The following SH3PXD2B variants were observed in gnomAD, a reference collection of about 807,000 sequenced individuals.
SH3PXD2B encodes SH3 and PX domain-containing protein 2B.
SH3PXD2B carries 37 observed loss-of-function variants against 73.1 expected under a neutral mutation model. The observed-to-expected ratio is 0.51, with a 90% CI of 0.39 to 0.67. SH3PXD2B has a LOEUF of 0.67. Ranked by LOEUF, SH3PXD2B falls within the 30% of genes least tolerant of loss-of-function variation. SH3PXD2B has a pLI of 0.00. For missense variants in SH3PXD2B, 1,053 were observed against 1,197.8 expected (o/e 0.88, Z 1.78); for synonymous variants, 457 against 480.5 (o/e 0.95, Z 0.64).
intron 10 of SH3PXD2B, among the ~76,000 whole-genome samples, chr5:172,348,883 A>T (rs560854253): frequency 3.4e-4 from 52 of 151,074 alleles, no homozygotes; most frequent in South Asian, 1.3e-3. Flanking sequence ...ATTAAAAAAA[A>T]TTTTTTTTTG....
intron 3 of SH3PXD2B, among the ~76,000 whole-genome samples, chr5:172,397,114 G>C (rs1384912870): frequency 6.6e-6 from 1 of 152,172 alleles, no homozygotes; most frequent in African/African-American, 2.4e-5. Flanking sequence ...GAACAGCCCT[G>C]AGAAAGAGAA....
intron 2 of SH3PXD2B, among the ~76,000 whole-genome samples, chr5:172,412,756 A>G (rs1758730162): frequency 6.6e-6 from 1 of 152,220 alleles, no homozygotes; most frequent in Admixed American, 6.5e-5. Context: ...GAGCAGAGGC[A>G]TGCTCCTCAA....
chr5:172,362,827 T>C lies in SH3PXD2B; in HGVS notation c.470A>G (p.Tyr157Cys), dbSNP rs1236189655. 4 of 1,614,000 alleles carry C rather than the reference T, an allele frequency of 2.5e-6. No homozygotes were observed. The Admixed American group carries it at 5.0e-5, about 20-fold the overall frequency. ...TSVDPMVLEQ[Y>C]VVVANYQKQE... ...CTTCTGGTAGTTGGCTACCACCACA[T>C]ACTGCTCCAGGACCATGGGGTCCAC... The change falls in exon 7 of 13, where the codon TAT (tyrosine) becomes TGT (cysteine). Residue 157 changes from tyrosine (Y) to cysteine (C), a missense_variant. This residue lies in a region of SH3PXD2B where 466 missense variants were observed against 607.1 expected (regional missense o/e 0.77). Transcript: ENST00000311601.
chr5:172,357,362 C>T (rs1012926852), intron 8 of SH3PXD2B, among the ~76,000 whole-genome samples: 9 of 149,572 alleles, frequency 6.0e-5, no homozygotes, highest in Non-Finnish European at 1.2e-4. Flanking sequence ...AGGCGGAGGT[C>T]GCAGTGAGCC....
intron 10 of SH3PXD2B, among the ~76,000 whole-genome samples, chr5:172,347,747 G>A (rs1757028009): frequency 6.6e-6 from 1 of 152,176 alleles, no homozygotes; most frequent in Non-Finnish European, 1.5e-5. Flanking sequence ...CATAATGTGT[G>A]TCACCCAGGG....
rs111572530 is a variant in SH3PXD2B, at chr5:172,347,268, C to T, written c.1062+15G>A. ...CAAGTCAGTGGCCACTCCCCAGTAG[C>T]GAGGATCCACTTACAATGGTCATGT... is the stretch of plus-strand genomic sequence containing the variant. On this transcript the variant is annotated intron_variant, in intron 11 of 12. Coordinates refer to ENST00000311601, the MANE Select transcript of SH3PXD2B (RefSeq NM_001017995.3). 6,805 of 1,613,954 alleles carry T rather than the reference C, an allele frequency of 4.2e-3. 100 individuals are homozygous for T. The African/African-American group carries it at 0.047, about 11-fold the overall frequency.
At chr5:172,352,745 T>A (rs773549873) in intron 9 of SH3PXD2B, among the ~76,000 whole-genome samples, 1 of 152,222 alleles carries the variant, frequency 6.6e-6, no homozygotes, top group Non-Finnish European at 1.5e-5. Flanking sequence ...TCATTTTCTC[T>A]TGCCGATGCT....
Position 172,368,625 on chromosome 5 carries a change from T to TA in SH3PXD2B, c.427+5164dup, listed in dbSNP as rs1173933061. ...ATATATAATATATATGTTATATATA[T>TA]ATATAATATATATGTTATATATATA... is the stretch of plus-strand genomic sequence containing the variant. On this transcript the variant is annotated intron_variant, in intron 6 of 12. Transcript: ENST00000311601. Among the ~76,000 whole-genome samples the TA allele has an allele frequency of 5.1e-4, 13 of 25,348 alleles. 2 individuals carry two copies. The highest frequency in any genetic ancestry group is 2.0e-3 in the South Asian group (1 of 492). 16.6% of individuals were successfully genotyped at this position (25,348 alleles called of 152,430 possible).
At chr5:172,439,244 A>G (rs1181646318) in intron 1 of SH3PXD2B, among the ~76,000 whole-genome samples, 3 of 94,276 alleles carry the variant, frequency 3.2e-5, no homozygotes, top group East Asian at 2.1e-4. Flanking sequence ...AACAGAAAAA[A>G]AAAAAAGAAA....
intron 4 of SH3PXD2B, among the ~76,000 whole-genome samples, chr5:172,389,825 C>T (rs945206706): frequency 6.6e-6 from 1 of 152,152 alleles, no homozygotes; most frequent in African/African-American, 2.4e-5. Flanking sequence ...GTTTTCTGAC[C>T]TTCTTTGATA....
rs1020595056 is a variant in SH3PXD2B, at chr5:172,334,877, G to A, written c.*3492C>T. The A allele has an allele frequency of 7.1e-6, 7 of 985,258 alleles. No individual in the cohort carries two copies. The highest frequency in any genetic ancestry group is 5.2e-5 in the African/African-American group (3 of 57,200). The allele number at this position is 985,258 out of a possible 1,614,324, so 61.0% of individuals were successfully genotyped here. On this transcript the variant is annotated 3_prime_UTR_variant, in exon 13 of 13. Coordinates refer to ENST00000311601, the MANE Select transcript of SH3PXD2B (RefSeq NM_001017995.3). ...CCTGGTAATGAAATCCTCAGTGGGC[G>A]CAAACATTTTAGGGCCAAGAACATT... is the stretch of plus-strand genomic sequence containing the variant.
intron 12 of SH3PXD2B, among the ~76,000 whole-genome samples, chr5:172,325,691 G>C (rs116061977): frequency 6.6e-6 from 1 of 152,176 alleles, no homozygotes; most frequent in East Asian, 1.9e-4. Context: ...GCCCCTTTAC[G>C]AGGGCAACTA....
chr5:172,330,384 A>G (rs1340146682), downstream of SH3PXD2B, among the ~76,000 whole-genome samples: 1 of 152,210 alleles, frequency 6.6e-6, no homozygotes, highest in Non-Finnish European at 1.5e-5. Flanking sequence ...TGGTTCAGGT[A>G]GAATGCAAGG....
chr5:172,449,588 A>G (rs529311122), intron 1 of SH3PXD2B, among the ~76,000 whole-genome samples: 1 of 152,318 alleles, frequency 6.6e-6, no homozygotes, highest in South Asian at 2.1e-4. Context: ...AAGGACAAAA[A>G]CTGGTAATTC....
intron 1 of SH3PXD2B, among the ~76,000 whole-genome samples, chr5:172,425,092 G>A (rs1266693273): frequency 1.3e-5 from 2 of 152,120 alleles, no homozygotes; most frequent in African/African-American, 4.8e-5. Flanking sequence ...ACTTTGTGAT[G>A]TGAAAAAACG....
intron 5 of SH3PXD2B, among the ~76,000 whole-genome samples, chr5:172,380,962 T>C (rs1218336572): frequency 6.6e-6 from 1 of 152,194 alleles, no homozygotes; most frequent in Non-Finnish European, 1.5e-5. Context: ...ATTTTGGAGG[T>C]CGCTGTGTGT....
At chr5:172,357,389 A>T (rs1288282293) in intron 8 of SH3PXD2B, among the ~76,000 whole-genome samples, 1 of 151,296 alleles carries the variant, frequency 6.6e-6, no homozygotes, top group African/African-American at 2.4e-5. Flanking sequence ...ATGCCACTGT[A>T]CTCCAGCCTG....
downstream of SH3PXD2B, among the ~76,000 whole-genome samples, chr5:172,329,275 G>C (rs1756509028): frequency 6.7e-6 from 1 of 149,428 alleles, no homozygotes; most frequent in Admixed American, 6.7e-5. Flanking sequence ...GTAGAGATGA[G>C]GTTTCACCAT....
chr5:172,383,708 G>A (rs1560683), intron 4 of SH3PXD2B, among the ~76,000 whole-genome samples: 32,597 of 152,076 alleles, frequency 0.21, 3,704 homozygotes, highest in Middle Eastern at 0.38. Flanking sequence ...CAAGCAGTGC[G>A]TGCTCTGCAT....
Sources: gnomAD v4.1 joint callset for allele counts (sites outside exome capture counted in the v4.1 genomes callset) on GRCh38, gnomAD v4.1.1 for gene constraint, gnomAD v4.1.1 regional missense constraint, MANE v1.5 for transcripts, NCBI Gene and HGNC (gene_info 2026-07-23, HGNC 2026-07-21) for gene names.